GKAP1: variants seen among roughly 807,000 people sequenced by gnomAD.
GKAP1 encodes G kinase anchoring protein 1.
In GKAP1, 31 loss-of-function variants were observed where a neutral mutation model predicts 56.7. The observed-to-expected ratio is 0.55, with a 90% CI of 0.41 to 0.74. The LOEUF is 0.74. GKAP1 is among the 30% of genes least tolerant of loss of function. The pLI is 0.00. For missense variants in GKAP1, 364 were observed against 402.3 expected, an observed-to-expected ratio of 0.90 and a Z score of 0.82; for synonymous variants, 151 against 138.6, an observed-to-expected ratio of 1.09 and a Z score of -0.63.
intron 7 of GKAP1, among the ~76,000 whole-genome samples, chr9:83,774,763 G>A (rs1337736798): frequency 5.4e-5 from 7 of 130,686 alleles, no homozygotes; most frequent in Admixed American, 2.7e-4. Context: ...AGGTTGGAGT[G>A]CAGCAGTGCG....
chr9:83,777,915 T>C (rs1288168409), intron 7 of GKAP1, among the ~76,000 whole-genome samples: 4 of 152,194 alleles, frequency 2.6e-5, no homozygotes, highest in South Asian at 2.1e-4. Context: ...GGTATAACCG[T>C]TGTAACATTT....
chr9:83,784,109 T>C (rs1944023264), intron 6 of GKAP1, among the ~76,000 whole-genome samples: 1 of 150,352 alleles, frequency 6.7e-6, no homozygotes, highest in Non-Finnish European at 1.5e-5. Context: ...TACTAAAAAA[T>C]ACAAAAGACT....
chr9:83,804,881 C>G (rs1944411894), intron 3 of GKAP1, among the ~76,000 whole-genome samples: 1 of 149,910 alleles, frequency 6.7e-6, no homozygotes, highest in Middle Eastern at 3.2e-3. Context: ...GCCGCCCCGT[C>G]CGGGAGGTGA....
chr9:83,802,465 G>C (rs988540854), intron 3 of GKAP1, among the ~76,000 whole-genome samples: 2 of 144,002 alleles, frequency 1.4e-5, no homozygotes, highest in African/African-American at 5.2e-5. Flanking sequence ...TCGGGCAACA[G>C]AGGAAGACTC....
At chr9:83,744,944 T>C (rs1052281616) in intron 10 of GKAP1, among the ~76,000 whole-genome samples, 2 of 152,134 alleles carry the variant, frequency 1.3e-5, no homozygotes, top group Non-Finnish European at 1.5e-5. Flanking sequence ...GAGAATAGCA[T>C]GGGGGAAAGC....
intron 3 of GKAP1, among the ~76,000 whole-genome samples, chr9:83,801,965 A>G (rs565098416): frequency 6.6e-6 from 1 of 152,308 alleles, no homozygotes; most frequent in South Asian, 2.1e-4. Flanking sequence ...GCTTTTTTCT[A>G]AGTCTTGGGA....
chr9:83,796,021 T>C (rs978987130), intron 4 of GKAP1, among the ~76,000 whole-genome samples: 3 of 152,210 alleles, frequency 2.0e-5, no homozygotes, highest in Non-Finnish European at 4.4e-5. Flanking sequence ...TCCTTATTCC[T>C]CATTCTTAAA....
At chr9:83,797,059 G>A (rs1011322168) in intron 4 of GKAP1, among the ~76,000 whole-genome samples, 1 of 152,146 alleles carries the variant, frequency 6.6e-6, no homozygotes, top group Non-Finnish European at 1.5e-5. Flanking sequence ...GATCAACTGA[G>A]ATCCAGTGTT....
intron 5 of GKAP1, among the ~76,000 whole-genome samples, chr9:83,785,261 TG>T (rs1211787195): frequency 6.6e-6 from 1 of 152,206 alleles, no homozygotes; most frequent in Middle Eastern, 3.2e-3. Flanking sequence ...AATACATTTC[TG>T]ACTACTGCTA....
At chr9:83,753,623 T>C (rs1400450330) in intron 8 of GKAP1, among the ~76,000 whole-genome samples, 5 of 152,102 alleles carry the variant, frequency 3.3e-5, no homozygotes, top group Admixed American at 1.3e-4. Flanking sequence ...AACAAACATA[T>C]TAAAAGTGCT....
At chr9:83,812,236 CATAT>C in intron 2 of GKAP1, among the ~76,000 whole-genome samples, 1 of 147,622 alleles carries the variant, frequency 6.8e-6, no homozygotes, top group East Asian at 2.0e-4. Context: ...CACATGTATA[CATAT>C]ATACGTATAT....
chr9:83,773,356 G>A (rs1344477517), intron 7 of GKAP1, among the ~76,000 whole-genome samples: 2 of 152,156 alleles, frequency 1.3e-5, no homozygotes, highest in African/African-American at 4.8e-5. Context: ...GTGGTTGCCA[G>A]GGGCTGAAGG....
intron 9 of GKAP1, among the ~76,000 whole-genome samples, chr9:83,750,318 T>C (rs1427807005): frequency 2.0e-5 from 3 of 152,152 alleles, no homozygotes; most frequent in South Asian, 2.1e-4. Context: ...ACAGACAGCA[T>C]ACAAAGTTGA....
rs761705703 is a variant in GKAP1 at position 83,742,017 on chromosome 9, G to A, written c.988C>T (p.His330Tyr). Residue 330 changes from histidine (H) to tyrosine (Y), a missense_variant, in exon 12 of 13, where the codon CAT (histidine) becomes TAT (tyrosine). Physicochemically the swap from His to Tyr is moderately conservative, Grantham distance 83 (BLOSUM62 2). Transcript: ENST00000376371. ...NELTIQVTSL[H>Y]AALEQERSKV... ...GATCTTTCTTGTTCTAATGCAGCAT[G>A]AAGTGAAGTCACCTATAACCAAATA... is the stretch of plus-strand genomic sequence containing the variant. The A allele has an allele frequency of 2.5e-6, 4 of 1,586,226 alleles. No homozygotes were observed. The South Asian group carries it at 4.7e-5, about 18-fold the overall frequency.
chr9:83,811,920 AC>A (rs1944510309), intron 2 of GKAP1, among the ~76,000 whole-genome samples: 1 of 152,144 alleles, frequency 6.6e-6, no homozygotes, highest in Non-Finnish European at 1.5e-5. Context: ...CACATCATCT[AC>A]TGCAACAGCC....
At chr9:83,759,142 C>CT (rs1306577546) in intron 8 of GKAP1, among the ~76,000 whole-genome samples, 1 of 152,198 alleles carries the variant, frequency 6.6e-6, no homozygotes, top group Non-Finnish European at 1.5e-5. Flanking sequence ...AATCATACCC[C>CT]TTTTCCCTCC....
intron 8 of GKAP1, among the ~76,000 whole-genome samples, chr9:83,767,166 A>C (rs1463043253): frequency 6.6e-6 from 1 of 152,160 alleles, no homozygotes; most frequent in Admixed American, 6.5e-5. Flanking sequence ...GGCAGTGAGG[A>C]TCTTGGAGTA....
chr9:83,751,077 C>T (rs776231939), intron 9 of GKAP1, among the ~76,000 whole-genome samples: 8 of 152,092 alleles, frequency 5.3e-5, no homozygotes, highest in East Asian at 1.9e-4. Context: ...CCTCGTGATC[C>T]GCCTGCCCCG....
rs779809540 is a variant in GKAP1, at chr9:83,806,370, T to G, written c.148A>C (p.Thr50Pro). The G allele has an allele frequency of 1.3e-6, 2 of 1,578,270 alleles. No homozygotes were observed. The highest frequency in any genetic ancestry group is 1.2e-5 in the South Asian group (1 of 86,598). The change falls in exon 3 of 13, where the codon ACT becomes CCT. Residue 50 changes from threonine to proline, a missense_variant. Transcript: ENST00000376371. ...TTCTCTCTTTTTTTCTCATTTGTAG[T>G]TGACTTGCTTCCTAAAGTTTGAGAC... is the stretch of plus-strand genomic sequence containing the variant. ...GKSQTLGSKS[T>P]TNEKKREKRR...
Sources: gnomAD v4.1 joint callset for allele counts (sites outside exome capture counted in the v4.1 genomes callset) on GRCh38, gnomAD v4.1.1 for gene constraint, MANE v1.5 for transcripts, NCBI Gene and HGNC (gene_info 2026-07-23, HGNC 2026-07-21) for gene names.